GRAMD1C: variants seen among roughly 807,000 people sequenced by gnomAD.
GRAMD1C encodes GRAM domain containing 1C.
In GRAMD1C, 89 loss-of-function variants were observed where a neutral mutation model predicts 97.8. The observed-to-expected ratio is 0.91, with a 90% CI of 0.77 to 1.09. The LOEUF is 1.09. Among genes scored for constraint, GRAMD1C ranks in the 50% least tolerant of loss-of-function variants. The probability of loss-of-function intolerance (pLI) is 0.00; values close to 1 mark genes in which losing one functional copy is unlikely to be tolerated. For missense variants in GRAMD1C, 740 were observed against 766.4 expected (o/e 0.97, Z 0.41); for synonymous variants, 256 against 267.0 (o/e 0.96, Z 0.40).
chr3:113,938,345 G>T, intron 15 of GRAMD1C: 1 of 403,600 alleles, frequency 2.5e-6, no homozygotes. Context: ...TAAATTTGAG[G>T]AAATACAAAG....
chr3:113,886,777 G>GTTTTTTTTTT (rs34683672), intron 6 of GRAMD1C, among the ~76,000 whole-genome samples: 3 of 80,034 alleles, frequency 3.7e-5, no homozygotes, highest in African/African-American at 4.7e-5. Context: ...TTGTTTGCTT[G>GTTTTTTTTTT]TTTTTTTTTT....
At chr3:113,917,293 A>G (rs1316263530) in intron 10 of GRAMD1C, among the ~76,000 whole-genome samples, 4 of 152,196 alleles carry the variant, frequency 2.6e-5, no homozygotes, top group African/African-American at 9.7e-5. Context: ...CATTTGACAT[A>G]GTCAAAGAGA....
chr3:113,878,473 C>A (rs1426346049), intron 5 of GRAMD1C, among the ~76,000 whole-genome samples: 2 of 152,234 alleles, frequency 1.3e-5, no homozygotes, highest in African/African-American at 2.4e-5. Flanking sequence ...TTTTCAAACC[C>A]TTTAAGGGGG....
intron 2 of GRAMD1C, among the ~76,000 whole-genome samples, chr3:113,867,391 CA>C (rs1934623940): frequency 2.0e-5 from 3 of 152,170 alleles, no homozygotes; most frequent in Admixed American, 2.0e-4. Context: ...ATCCAGGGTT[CA>C]AAAGATTCTC....
rs1303417537 is a variant in GRAMD1C, at chr3:113,940,006, T to C, written c.1802+10T>C. On this transcript the variant is annotated intron_variant, in intron 16 of 17. Coordinates refer to ENST00000358160, the MANE Select transcript of GRAMD1C (RefSeq NM_017577.5). ...AAGAGAAATCTTTAAAGTAAGTCTT[T>C]TTCCCCCTGACCTGTATTCACCATA... 2.2e-6 allele frequency: 3 copies of C among 1,380,212 alleles called. No homozygotes were observed. Among genetic ancestry groups the C allele is most frequent in the South Asian group, 2.3e-5 (2 of 86,204 alleles). The allele number at this position is 1,380,212 out of a possible 1,614,324, so 85.5% of individuals were successfully genotyped here.
chr3:113,932,103 C>A (rs945100151), intron 11 of GRAMD1C, among the ~76,000 whole-genome samples: 3 of 152,098 alleles, frequency 2.0e-5, no homozygotes, highest in African/African-American at 7.2e-5. Context: ...TTATCTGTGA[C>A]CAGAGTGGCA....
chr3:113,833,463 T>G (rs1437846202), intron 1 of GRAMD1C, among the ~76,000 whole-genome samples: 1 of 152,000 alleles, frequency 6.6e-6, no homozygotes, highest in Non-Finnish European at 1.5e-5. Context: ...ATACTCTACC[T>G]GCCCCCTCTA....
At chr3:113,911,993 C>T (rs1936618422) in intron 9 of GRAMD1C, among the ~76,000 whole-genome samples, 1 of 152,138 alleles carries the variant, frequency 6.6e-6, no homozygotes, top group Admixed American at 6.5e-5. Context: ...TCCCAAAATG[C>T]TGGGACTACA....
At chr3:113,832,667 AC>A (rs749949577) in intron 1 of GRAMD1C, among the ~76,000 whole-genome samples, 2 of 152,128 alleles carry the variant, frequency 1.3e-5, no homozygotes, top group Non-Finnish European at 1.5e-5. Context: ...TACTCTAGGT[AC>A]CTCATACAAG....
rs368861295 is a variant in GRAMD1C at position 113,939,992 on chromosome 3, TTAAAG to T, written c.1802_1802+4del. 1.3e-6 allele frequency: 2 copies of T among 1,512,600 alleles called. No individual in the cohort carries two copies. Among genetic ancestry groups the T allele is most frequent in the Admixed American group, 1.7e-5 (1 of 59,866 alleles). 93.7% of individuals were successfully genotyped at this position (1,512,600 alleles called of 1,614,324 possible). A position where few individuals can be genotyped will look rare whatever the true frequency, so the allele number is the denominator to read the frequency against. ...TCTCCGCCTCCAAGAAGAGAAATCT[TTAAAG>T]TAAGTCTTTTTCCCCCTGACCTGTA... On this transcript the variant is annotated splice_donor_variant and coding_sequence_variant, in exon 16 of 18. Transcript: ENST00000358160. LOFTEE classifies it high-confidence loss of function.
chr3:113,907,368 T>C (rs910983099), intron 8 of GRAMD1C, among the ~76,000 whole-genome samples: 1 of 152,264 alleles, frequency 6.6e-6, no homozygotes, highest in Admixed American at 6.5e-5. Flanking sequence ...CTTGCAAAAC[T>C]TATTCATCTA....
chr3:113,882,886 T>A, intron 6 of GRAMD1C, 54 bp downstream of exon 6: 1 of 819,682 alleles, frequency 1.2e-6, no homozygotes, highest in South Asian at 1.7e-5. Context: ...CTAGTGTATT[T>A]GTGAATTGAA....
At chr3:113,944,584 T>C (rs1199410446) in intron 17 of GRAMD1C, among the ~76,000 whole-genome samples, 4 of 152,208 alleles carry the variant, frequency 2.6e-5, no homozygotes, top group Non-Finnish European at 5.9e-5. Context: ...TTTCAGAAAA[T>C]GATGCTACCA....
intron 2 of GRAMD1C, among the ~76,000 whole-genome samples, chr3:113,867,834 T>C (rs1445417613): frequency 1.3e-5 from 2 of 152,178 alleles, no homozygotes; most frequent in South Asian, 2.1e-4. Flanking sequence ...ATGTTTTCCA[T>C]CAAATTTGGA....
At position 113,934,495 on chromosome 3, in the gene GRAMD1C, G is replaced by A; in HGVS notation, c.1416G>A (p.Lys472=). Residue 472 remains lysine, a synonymous_variant, in exon 13 of 18, where the codon AAG becomes AAA. Coordinates refer to ENST00000358160, the MANE Select transcript of GRAMD1C (RefSeq NM_017577.5). ...PWGLVKSLIE[K]NSWSSLEDYF... is the part of the protein sequence containing the mutation. ...GCCTTGTCAAATCTTTAATTGAAAA[G>A]AATTCCTGGAGTTCTTTGGAGGACT... is the stretch of plus-strand genomic sequence containing the variant. 6.3e-7 allele frequency: 1 copy of A among 1,587,668 alleles called. No individual in the cohort carries two copies. Among genetic ancestry groups the A allele is most frequent in the South Asian group, 1.1e-5 (1 of 87,954 alleles).
At chr3:113,866,992 CT>C (rs1330906435) in intron 2 of GRAMD1C, among the ~76,000 whole-genome samples, 2 of 152,086 alleles carry the variant, frequency 1.3e-5, no homozygotes, top group Non-Finnish European at 2.9e-5. Flanking sequence ...CCCTGCCTGG[CT>C]AATTTTTTTG....
At chr3:113,831,933 T>C (rs1399594903) in intron 1 of GRAMD1C, among the ~76,000 whole-genome samples, 5 of 152,180 alleles carry the variant, frequency 3.3e-5, no homozygotes, top group Non-Finnish European at 7.3e-5. Flanking sequence ...AGGGGCTGTT[T>C]CTATTATTTT....
intron 10 of GRAMD1C, chr3:113,919,960 ATGAGAC>A (rs894080076): frequency 3.0e-6 from 2 of 668,064 alleles, no homozygotes; most frequent in African/African-American, 3.6e-5. Context: ...ATCAATTCCA[ATGAGAC>A]TGTTTTTAGT....
intron 2 of GRAMD1C, among the ~76,000 whole-genome samples, chr3:113,864,875 G>T (rs776385957): frequency 1.3e-5 from 2 of 152,110 alleles, no homozygotes; most frequent in African/African-American, 2.4e-5. Flanking sequence ...CCATCACCCA[G>T]TTCCAAAGCT....
Sources: gnomAD v4.1 joint callset for allele counts (sites outside exome capture counted in the v4.1 genomes callset) on GRCh38, gnomAD v4.1.1 for gene constraint, MANE v1.5 for transcripts, NCBI Gene and HGNC (gene_info 2026-07-23, HGNC 2026-07-21) for gene names.